The following CENPK variants were observed in gnomAD, a reference collection of about 807,000 sequenced individuals.
CENPK encodes centromere protein K, also known as SoxLZ/Sox6-binding protein Solt.
A neutral mutation model predicts 40.9 loss-of-function variants in CENPK; 46 were observed. The observed-to-expected ratio is 1.13, with a 90% CI of 0.89 to 1.44. The LOEUF (loss-of-function observed/expected upper bound fraction) is 1.44, where lower values mean the gene tolerates loss of function less well. CENPK is among the 40% of genes most tolerant of loss of function. The pLI is 0.00. For synonymous variants in CENPK, 107 were observed against 104.4 expected (o/e 1.02, Z -0.15); for missense variants, 288 against 303.5 (o/e 0.95, Z 0.38).
intron 9 of CENPK, 68 bp downstream of exon 9, chr5:65,528,384 T>C (rs919241391): frequency 3.3e-5 from 47 of 1,431,324 alleles, no homozygotes; most frequent in Non-Finnish European, 3.9e-5. Context: ...TAAGAAAATA[T>C]GCTTCTAAAC....
the CENPK span, among the ~76,000 whole-genome samples, chr5:65,498,682 C>T: frequency 7.1e-6 from 1 of 140,552 alleles, no homozygotes. Context: ...TTTTTTGAGA[C>T]AGGGTCTCAC....
chr5:65,522,485 G>A (rs1743950621), intron 9 of CENPK, among the ~76,000 whole-genome samples: 1 of 152,072 alleles, frequency 6.6e-6, no homozygotes, highest in South Asian at 2.1e-4. Flanking sequence ...CTGGAGTGCA[G>A]TGGTGCCATC....
chr5:65,501,618 G>C, the CENPK span, among the ~76,000 whole-genome samples: 513 of 152,140 alleles, frequency 3.4e-3, 4 homozygotes, highest in African/African-American at 0.012. Context: ...TGTTTTAGCA[G>C]GCCACCTTTG....
chr5:65,548,279 G>A (rs1363727885), intron 5 of CENPK, among the ~76,000 whole-genome samples: 3 of 152,076 alleles, frequency 2.0e-5, no homozygotes, highest in African/African-American at 7.2e-5. Context: ...TTATGTATTA[G>A]CATTATTTCT....
the CENPK span, among the ~76,000 whole-genome samples, chr5:65,509,160 T>C: frequency 6.6e-6 from 1 of 152,224 alleles, no homozygotes; most frequent in African/African-American, 2.4e-5. Context: ...TGTCTTGGCG[T>C]ATCTCCTGTA....
At chr5:65,547,916 G>A (rs12521208) in intron 5 of CENPK, among the ~76,000 whole-genome samples, 61,861 of 151,990 alleles carry the variant, frequency 0.41, 12,950 homozygotes, top group East Asian at 0.65. Flanking sequence ...CACCCGCCTC[G>A]GTCTCCCAAA....
chr5:65,514,228 A>ATATTTTTTTTTTTTTTTTTTT (rs199873665), downstream of CENPK, among the ~76,000 whole-genome samples: 3 of 61,648 alleles, frequency 4.9e-5, no homozygotes, highest in African/African-American at 6.7e-5. Flanking sequence ...GCCTCACATA[A>ATATTTTTTTTTTTTTTTTTTT]TCTTTTTTTT....
At chr5:65,499,701 G>T in the CENPK span, among the ~76,000 whole-genome samples, 9 of 118,442 alleles carry the variant, frequency 7.6e-5, no homozygotes, top group African/African-American at 3.0e-4. Context: ...AAGTTTTAGG[G>T]TACATGTGCA....
chr5:65,549,641 T>C (rs1265282210), intron 5 of CENPK, among the ~76,000 whole-genome samples: 1 of 152,226 alleles, frequency 6.6e-6, no homozygotes, highest in Non-Finnish European at 1.5e-5. Context: ...TGCATTTTTA[T>C]GTTATGGAGA....
the CENPK span, among the ~76,000 whole-genome samples, chr5:65,510,851 A>C: frequency 6.6e-6 from 1 of 152,036 alleles, no homozygotes; most frequent in African/African-American, 2.4e-5. Context: ...TATCATGGGA[A>C]TGGGACTGGT....
intron 2 of CENPK, chr5:65,555,166 G>A: frequency 4.0e-6 from 1 of 252,572 alleles, no homozygotes; most frequent in Non-Finnish European, 7.3e-6. Flanking sequence ...ATGGAGAAAA[G>A]ACAAGGAAGA....
chr5:65,503,336 A>C, the CENPK span, among the ~76,000 whole-genome samples: 1 of 152,014 alleles, frequency 6.6e-6, no homozygotes, highest in Non-Finnish European at 1.5e-5. Context: ...CGAAATCCTG[A>C]CCTCAAGTGA....
chr5:65,503,952 G>A, the CENPK span, among the ~76,000 whole-genome samples: 3 of 134,726 alleles, frequency 2.2e-5, no homozygotes, highest in Non-Finnish European at 4.8e-5. Flanking sequence ...CACCGTGCCC[G>A]GCCTGCTAAA....
In CENPK at chr5:65,554,872, T is replaced by G. The variant is rs1750726023; in HGVS notation, c.36A>C (p.Thr12=). The G allele has an allele frequency of 1.2e-6, 2 of 1,604,218 alleles. No individual in the cohort carries two copies. The highest frequency in any genetic ancestry group is 4.5e-5 in the East Asian group (2 of 44,690). ...CAGTATTTGTAACATCTCCCACATC[T>G]GTAGTACTATCCGGATCTAGATCCT... ...NQEDLDPDST[T]DVGDVTNTEE... is the part of the protein sequence containing the mutation. Residue 12 remains threonine, a synonymous_variant, in exon 3 of 11, where the codon ACA becomes ACC. Transcript: ENST00000396679.
chr5:65,504,457 CA>C, the CENPK span, among the ~76,000 whole-genome samples: 8,832 of 99,900 alleles, frequency 0.088, 229 homozygotes, highest in East Asian at 0.11. Flanking sequence ...AATTCCGTAT[CA>C]AAAAAAAAAA....
At position 65,531,447 on chromosome 5, in the gene CENPK, C is replaced by T. The variant is rs140099678; in HGVS notation, c.289-2248G>A. 1.9e-3 allele frequency among the ~76,000 whole-genome samples: 278 copies of T among 148,376 alleles called. 3 individuals are homozygous for T. Among genetic ancestry groups the T allele is most frequent in the African/African-American group, 6.8e-3 (274 of 40,280 alleles). ...CCCCCAAACAATTGACATGCAACATCAAGATTTCTGGGATGAAGCAAAAGC... is the reference window on the plus strand; with the variant it reads ...CCCCCAAACAATTGACATGCAACATTAAGATTTCTGGGATGAAGCAAAAGC... On this transcript the variant is annotated intron_variant, in intron 6 of 10. Coordinates refer to ENST00000396679, the MANE Select transcript of CENPK (RefSeq NM_022145.5).
rs1416735171 is a variant in CENPK, at chr5:65,528,589, A to T, written c.471-11T>A. 1.3e-6 allele frequency: 2 copies of T among 1,506,576 alleles called. No individual in the cohort carries two copies. The allele number at this position is 1,506,576 out of a possible 1,614,324, so 93.3% of individuals were successfully genotyped here. Reference sequence around the variant, plus strand: ...AGTTCATTAAAGATTCTAATAGATTAAAAAAATTAAGAGAAACATTTAACT... The same window carrying T: ...AGTTCATTAAAGATTCTAATAGATTTAAAAAATTAAGAGAAACATTTAACT... On this transcript the variant is annotated splice_polypyrimidine_tract_variant and intron_variant, in intron 8 of 10. Coordinates refer to ENST00000396679, the MANE Select transcript of CENPK (RefSeq NM_022145.5).
chr5:65,547,974 CAAT>C (rs1394405551), intron 5 of CENPK, among the ~76,000 whole-genome samples: 1 of 151,954 alleles, frequency 6.6e-6, no homozygotes, highest in African/African-American at 2.4e-5. Context: ...TGGGGAATTT[CAAT>C]AATTGGGAAA....
the CENPK span, among the ~76,000 whole-genome samples, chr5:65,499,678 T>A: frequency 6.8e-6 from 1 of 147,066 alleles, no homozygotes; most frequent in Admixed American, 6.7e-5. Flanking sequence ...TTTTTTTTTT[T>A]TTATTATACT....
Sources: gnomAD v4.1 joint callset for allele counts (sites outside exome capture counted in the v4.1 genomes callset) on GRCh38, gnomAD v4.1.1 for gene constraint, MANE v1.5 for transcripts, NCBI Gene and HGNC (gene_info 2026-07-23, HGNC 2026-07-21) for gene names.